WASL: variants seen among roughly 807,000 people sequenced by gnomAD.
WASL encodes the protein actin nucleation-promoting factor WASL.
WASL carries 20 observed loss-of-function variants against 55.5 expected under a neutral mutation model. The ratio of observed to expected loss-of-function variants is 0.36; its 90% CI spans 0.25 to 0.52. The LOEUF (loss-of-function observed/expected upper bound fraction) is 0.52, where lower values mean the gene tolerates loss of function less well. WASL is among the 20% of genes least tolerant of loss of function. The probability of loss-of-function intolerance (pLI) is 0.92; values close to 1 mark genes in which losing one functional copy is unlikely to be tolerated. For missense variants in WASL, 504 were observed against 622.5 expected (o/e 0.81, Z 2.03); for synonymous variants, 249 against 217.6 (o/e 1.14, Z -1.27).
intron 1 of WASL, among the ~76,000 whole-genome samples, chr7:123,712,149 G>A (rs1562961360): frequency 6.6e-6 from 1 of 151,916 alleles, no homozygotes; most frequent in African/African-American, 2.4e-5. Context: ...GGAGTTTTTT[G>A]GTTTGTTTGG....
chr7:123,687,015 T>G (rs1408413530), intron 10 of WASL, among the ~76,000 whole-genome samples: 3 of 152,126 alleles, frequency 2.0e-5, no homozygotes, highest in African/African-American at 7.2e-5. Context: ...AATAGGTATC[T>G]CAAATTTAAT....
chr7:123,722,828 A>T (rs1408718672), intron 1 of WASL, among the ~76,000 whole-genome samples: 5 of 152,074 alleles, frequency 3.3e-5, no homozygotes, highest in African/African-American at 4.8e-5. Context: ...AAATAATAAT[A>T]ATTATAACAA....
At chr7:123,748,057 C>T (rs1309168772) in intron 1 of WASL, among the ~76,000 whole-genome samples, 1 of 152,094 alleles carries the variant, frequency 6.6e-6, no homozygotes, top group Non-Finnish European at 1.5e-5. Flanking sequence ...TCTTGTTTCT[C>T]TTTAACGAAG....
chr7:123,696,592 G>C lies in WASL; in HGVS notation c.616C>G (p.Pro206Ala). The stretch of plus-strand genomic sequence containing the variant: ...GAACTGTCTTACTGGAAATTGCTTG[G>C]TGTTCCTATATCTGCCTTGGTTAAT... ...KRLTKADIGT[P>A]SNFQHIGHVG... The change falls in exon 6 of 11, where the codon CCA (proline) becomes GCA (alanine). Residue 206 changes from proline to alanine, a missense_variant. This residue lies in a region of WASL where 230 missense variants were observed against 271.9 expected (regional missense o/e 0.85). Transcript: ENST00000223023. The C allele has an allele frequency of 6.3e-7, 1 of 1,579,134 alleles. No individual in the cohort carries two copies. Among genetic ancestry groups the C allele is most frequent in the Non-Finnish European group, 8.6e-7 (1 of 1,164,550 alleles).
At chr7:123,716,527 C>T (rs151332176) in intron 1 of WASL, among the ~76,000 whole-genome samples, 5 of 151,938 alleles carry the variant, frequency 3.3e-5, no homozygotes, top group African/African-American at 9.7e-5. Flanking sequence ...GGATTACAGG[C>T]GTGAGCCACT....
At chr7:123,690,157 G>A (rs1427213940) in intron 9 of WASL, among the ~76,000 whole-genome samples, 5 of 152,090 alleles carry the variant, frequency 3.3e-5, no homozygotes, top group Admixed American at 6.6e-5. Context: ...GTACAACAGC[G>A]GTAGGGACAT....
chr7:123,722,267 AATTT>A (rs1803961707), intron 1 of WASL, among the ~76,000 whole-genome samples: 1 of 152,206 alleles, frequency 6.6e-6, no homozygotes, highest in Non-Finnish European at 1.5e-5. Flanking sequence ...TCATGCAAAT[AATTT>A]ATTAGAACAA....
Position 123,683,291 on chromosome 7 carries a change from T to C in WASL, c.*1228A>G, listed in dbSNP as rs1266524405. The C allele has an allele frequency of 6.6e-6, 1 of 151,988 alleles. No individual in the cohort carries two copies. The highest frequency in any genetic ancestry group is 1.5e-5 in the Non-Finnish European group (1 of 67,950). The allele number at this position is 151,988 out of a possible 1,614,324, so 9.4% of individuals were successfully genotyped here. A position where few individuals can be genotyped will look rare whatever the true frequency, so the allele number is the denominator to read the frequency against. On this transcript the variant is annotated 3_prime_UTR_variant, in exon 11 of 11. Coordinates refer to ENST00000223023, the MANE Select transcript of WASL (RefSeq NM_003941.4). ...ACAACCACCTTTAGGCAGATTAGTG[T>C]AGTGTAGAGAGGCAAAGAAACCCTA...
chr7:123,739,513 C>T (rs1002519586), intron 1 of WASL, among the ~76,000 whole-genome samples: 7 of 147,100 alleles, frequency 4.8e-5, no homozygotes, highest in Admixed American at 2.0e-4. Context: ...TTTGTACTTT[C>T]AGTACAGTAT....
At chr7:123,700,653 T>C (rs1290590778) in intron 5 of WASL, among the ~76,000 whole-genome samples, 1 of 152,150 alleles carries the variant, frequency 6.6e-6, no homozygotes, top group Non-Finnish European at 1.5e-5. Context: ...TTAGCCAGGA[T>C]GGTCTTGATT....
intron 3 of WASL, among the ~76,000 whole-genome samples, 155 bp from the exon 4 acceptor site, chr7:123,706,528 C>T (rs539373655): frequency 6.6e-6 from 1 of 152,168 alleles, no homozygotes; most frequent in South Asian, 2.1e-4. Context: ...TAACTTAACA[C>T]AAAAGCATGA....
rs1804496065 is a variant in WASL, at chr7:123,748,895, G to C, written c.-161C>G. ...GAGGAGGACGAGGTCGAGGGAAGCAGGCGCTGACGGCGAGCCACCTTCGCG... is the reference window on the plus strand; with the variant it reads ...GAGGAGGACGAGGTCGAGGGAAGCACGCGCTGACGGCGAGCCACCTTCGCG... On this transcript the variant is annotated 5_prime_UTR_variant, in exon 1 of 11. Coordinates refer to ENST00000223023, the MANE Select transcript of WASL (RefSeq NM_003941.4). 1.2e-5 allele frequency: 7 copies of C among 608,678 alleles called. No homozygotes were observed. The South Asian group carries it at 1.2e-4, about 11-fold the overall frequency. The allele number at this position is 608,678 out of a possible 1,614,324, so 37.7% of individuals were successfully genotyped here. A position where few individuals can be genotyped will look rare whatever the true frequency, so the allele number is the denominator to read the frequency against.
intron 4 of WASL, among the ~76,000 whole-genome samples, chr7:123,705,183 T>C (rs973379422): frequency 3.3e-5 from 5 of 152,130 alleles, no homozygotes; most frequent in African/African-American, 9.7e-5. Flanking sequence ...ATTAGGATGG[T>C]AGCAGCAGAA....
chr7:123,685,162 G>C (rs1803266257), intron 10 of WASL, among the ~76,000 whole-genome samples: 1 of 151,752 alleles, frequency 6.6e-6, no homozygotes, highest in South Asian at 2.1e-4. Context: ...GAGTCTATTT[G>C]ACTCAGAGCA....
At chr7:123,720,932 C>T (rs1464475722) in intron 1 of WASL, among the ~76,000 whole-genome samples, 1 of 151,660 alleles carries the variant, frequency 6.6e-6, no homozygotes, top group African/African-American at 2.4e-5. Flanking sequence ...AACAAACAAA[C>T]AAAAATAACC....
At position 123,706,775 on chromosome 7, in the gene WASL, T is replaced by A. The variant is rs1803679091; in HGVS notation, c.304A>T (p.Ser102Cys). Residue 102 changes from serine (S) to cysteine (C), a missense_variant, in exon 3 of 11, where the codon AGT becomes TGT. Ser to Cys is a moderately radical substitution (Grantham distance 112, BLOSUM62 -1). Around this residue, in one of 5 missense-constraint regions of WASL, gnomAD observed 230 missense variants for 271.9 expected, o/e 0.85. Coordinates refer to ENST00000223023, the MANE Select transcript of WASL (RefSeq NM_003941.4). ...QELYNNFVYNSPRGYFHTFAG... is the reference protein window; with the variant it reads ...QELYNNFVYNCPRGYFHTFAG... ...AAGGTATGAAAATATCCTCTAGGAC[T>A]ATTATATACAAAGTTATTGTATAGC... is the stretch of plus-strand genomic sequence containing the variant. 2 of 1,579,716 alleles carry A rather than the reference T, an allele frequency of 1.3e-6. No individual in the cohort carries two copies. The highest frequency in any genetic ancestry group is 1.4e-5 in the African/African-American group (1 of 72,676).
chr7:123,737,605 A>G (rs1039400528), intron 1 of WASL, among the ~76,000 whole-genome samples: 5 of 151,770 alleles, frequency 3.3e-5, no homozygotes, highest in Non-Finnish European at 7.4e-5. Flanking sequence ...CCAAAAAAAA[A>G]AAAAAAAAAA....
chr7:123,699,637 G>A (rs1414928868), intron 5 of WASL, among the ~76,000 whole-genome samples: 2 of 152,100 alleles, frequency 1.3e-5, no homozygotes, highest in African/African-American at 4.8e-5. Flanking sequence ...TGAAAAATCA[G>A]CTTCTTATAA....
At chr7:123,710,865 A>G (rs2116792254) in intron 1 of WASL, among the ~76,000 whole-genome samples, 1 of 152,336 alleles carries the variant, frequency 6.6e-6, no homozygotes, top group South Asian at 2.1e-4. Context: ...TGCCACAGGC[A>G]TCCTGCTGCC....
Sources: gnomAD v4.1 joint callset for allele counts (sites outside exome capture counted in the v4.1 genomes callset) on GRCh38, gnomAD v4.1.1 for gene constraint, gnomAD v4.1.1 regional missense constraint, MANE v1.5 for transcripts, NCBI Gene and HGNC (gene_info 2026-07-23, HGNC 2026-07-21) for gene names.